The following MUC6 variants were observed in gnomAD, a reference collection of about 807,000 sequenced individuals.
The protein encoded by MUC6 is mucin 6, oligomeric mucus/gel-forming (gene/pseudogene), also known as mucin-6.
Under a neutral mutation model 201.5 loss-of-function variants are expected in MUC6, and 188 were observed. The ratio of observed to expected loss-of-function variants is 0.93; its 90% CI spans 0.83 to 1.05. The LOEUF is 1.05. Among genes scored for constraint, MUC6 ranks in the 50% least tolerant of loss-of-function variants. The pLI, the probability that MUC6 is intolerant of heterozygous loss-of-function variation, is 0.00. For missense variants in MUC6, 2,706 were observed against 3,256.9 expected (o/e 0.83, Z 4.12); for synonymous variants, 1,228 against 1,389.4 (o/e 0.88, Z 2.58).
rs375776599 is a variant in MUC6, at chr11:1,031,071, G to A, written c.575-15C>T. On this transcript the variant is annotated splice_polypyrimidine_tract_variant and intron_variant, in intron 5 of 32. Transcript: ENST00000421673. Reference sequence around the variant, plus strand: ...CAGGAACTTGCCTGGGGTGCAGAATGGGGGTCAGCACCGTGGGGGCTGGGC... The same window carrying A: ...CAGGAACTTGCCTGGGGTGCAGAATAGGGGTCAGCACCGTGGGGGCTGGGC... 8.6e-5 allele frequency: 133 copies of A among 1,553,392 alleles called. No individual in the cohort carries two copies. Among genetic ancestry groups the A allele is most frequent in the Non-Finnish European group, 1.0e-4 (116 of 1,149,676 alleles).
intron 25 of MUC6, 38 bp from the exon 26 acceptor site, chr11:1,023,690 GC>G (rs1332707013): frequency 6.2e-7 from 1 of 1,604,392 alleles, no homozygotes; most frequent in Admixed American, 1.7e-5. Flanking sequence ...GGGGTTCCTG[GC>G]CCTGGCCCTG....
intron 11 of MUC6, 25 bp downstream of exon 11, chr11:1,029,020 AG>A: frequency 6.2e-7 from 1 of 1,612,814 alleles, no homozygotes; most frequent in Non-Finnish European, 8.5e-7. Flanking sequence ...CCCTGCTGGC[AG>A]GGATGGGCGC....
intron 22 of MUC6, 115 bp from the exon 23 acceptor site, chr11:1,025,482 A>G (rs899362964): frequency 1.1e-5 from 14 of 1,272,462 alleles, no homozygotes; most frequent in African/African-American, 1.5e-5. Flanking sequence ...GGCCATGCAC[A>G]GGAGCGCCTG....
intron 7 of MUC6, 29 bp from the exon 8 acceptor site, chr11:1,030,364 G>T: frequency 1.3e-6 from 2 of 1,540,260 alleles, no homozygotes; most frequent in Non-Finnish European, 1.7e-6. Flanking sequence ...CCGGTGAGAG[G>T]GTCCCACCCC....
intron 28 of MUC6, among the ~76,000 whole-genome samples, 181 bp from the exon 29 acceptor site, chr11:1,020,438 C>T (rs1311927630): frequency 1.3e-5 from 2 of 152,142 alleles, no homozygotes; most frequent in South Asian, 2.1e-4. Context: ...TCCTGCATGG[C>T]GGGGGTCACC....
rs545866239 is a variant in MUC6, at chr11:1,027,300, G to A, written c.2199C>T (p.Ala733=). The change falls in exon 17 of 33, where the codon GCC becomes GCT. Residue 733 remains alanine, a synonymous_variant. Coordinates refer to ENST00000421673, the MANE Select transcript of MUC6 (RefSeq NM_005961.3). ...CILEGYKFIL[A]EQSTVINGIT... The stretch of plus-strand genomic sequence containing the variant: ...TGCCGTTGATGACAGTGGACTGCTC[G>A]GCCAGGATGAACTTGTAACCCTCCA... The A allele has an allele frequency of 2.9e-5, 47 of 1,612,746 alleles. No homozygotes were observed. Among genetic ancestry groups the A allele is most frequent in the South Asian group, 2.5e-4 (23 of 91,078 alleles).
intron 2 of MUC6, 71 bp downstream of exon 2, chr11:1,032,942 C>T (rs988864770): frequency 2.5e-5 from 35 of 1,422,462 alleles, no homozygotes; most frequent in Middle Eastern, 1.9e-4. Context: ...ACCTGGGCTC[C>T]GGGCCCCTCT....
intron 24 of MUC6, among the ~76,000 whole-genome samples, chr11:1,024,313 C>T (rs1856898249): frequency 6.6e-6 from 1 of 152,210 alleles, no homozygotes. Context: ...CGAGCTCACG[C>T]CTTGAGACCC....
At position 1,029,516 on chromosome 11, in the gene MUC6, G is replaced by T. The variant is rs751413853; in HGVS notation, c.1115C>A (p.Thr372Lys). 1.9e-6 allele frequency: 3 copies of T among 1,612,440 alleles called. No homozygotes were observed. Among genetic ancestry groups the T allele is most frequent in the Admixed American group, 3.3e-5 (2 of 59,972 alleles). Reference protein sequence around the residue: ...HGAMYAPGEVTIAACQTCRCT... With the variant: ...HGAMYAPGEVKIAACQTCRCT... Reference sequence around the variant, plus strand: ...TCACCAGGTTTGGCAGGCAGCTATTGTGACCTCCCCGGGGGCATACATGGC... The same window carrying T: ...TCACCAGGTTTGGCAGGCAGCTATTTTGACCTCCCCGGGGGCATACATGGC... The change falls in exon 9 of 33, where the codon ACA becomes AAA. Residue 372 changes from threonine to lysine, a missense_variant. Thr to Lys is a moderately conservative substitution (Grantham distance 78). Transcript: ENST00000421673.
chr11:1,021,214 C>G lies in MUC6; in HGVS notation c.3589+1G>C, dbSNP rs926663760. The stretch of plus-strand genomic sequence containing the variant: ...TTCTCAGGGCAGCCGACTGGACTTA[C>G]TGCAGGGCACGCACACCCCCTCCTC... On this transcript the variant is annotated splice_donor_variant, in intron 27 of 32. Coordinates refer to ENST00000421673, the MANE Select transcript of MUC6 (RefSeq NM_005961.3). LOFTEE classifies it high-confidence loss of function. 1 of 1,585,584 alleles carries G rather than the reference C, an allele frequency of 6.3e-7. No individual in the cohort carries two copies. The highest frequency in any genetic ancestry group is 8.6e-7 in the Non-Finnish European group (1 of 1,168,084).
chr11:1,027,867 G>T, intron 15 of MUC6, 50 bp from the exon 16 acceptor site: 6 of 1,593,114 alleles, frequency 3.8e-6, no homozygotes, highest in Non-Finnish European at 5.1e-6. Context: ...CTGCCCTGGG[G>T]ACATGGGGGT....
chr11:1,020,125 G>A lies in MUC6; in HGVS notation c.3773C>T (p.Thr1258Met), dbSNP rs1322822213. The change falls in exon 29 of 33, where the codon ACG becomes ATG. Residue 1258 changes from threonine to methionine, a missense_variant. By Grantham distance (81) the Thr-to-Met change is moderately conservative (BLOSUM62 -1). Transcript: ENST00000421673. Reference protein sequence around the residue: ...SPTQTPLLPATLTSSKPTASS... With the variant: ...SPTQTPLLPAMLTSSKPTASS... ...GGCTGTGGGCTTGGAGGATGTGAGC[G>A]TGGCTGGAAGGAGGGGTGTCTGGGT... is the stretch of plus-strand genomic sequence containing the variant. The A allele has an allele frequency of 3.1e-6, 5 of 1,613,370 alleles. No homozygotes were observed. Among genetic ancestry groups the A allele is most frequent in the South Asian group, 2.2e-5 (2 of 91,050 alleles).
chr11:1,013,838 C>G, intron 32 of MUC6, 61 bp downstream of exon 32: 1 of 1,531,008 alleles, frequency 6.5e-7, no homozygotes, highest in Non-Finnish European at 8.8e-7. Context: ...CCGAACCTCT[C>G]TGGGGTGGGG....
rs376314586 is a variant in MUC6 at position 1,028,007 on chromosome 11, G to C, written c.1806C>G (p.Phe602Leu). The C allele has an allele frequency of 1.0e-5, 16 of 1,587,102 alleles. No individual in the cohort carries two copies. Among genetic ancestry groups the C allele is most frequent in the Non-Finnish European group, 1.2e-5 (14 of 1,167,268 alleles). The change falls in exon 15 of 33, where the codon TTC (phenylalanine) becomes TTG (leucine). Residue 602 changes from phenylalanine to leucine, a missense_variant. Phe to Leu is a conservative substitution (Grantham distance 22, BLOSUM62 0). Coordinates refer to ENST00000421673, the MANE Select transcript of MUC6 (RefSeq NM_005961.3). ...GGTTCACTGTGGCGTGGCACCTCTC[G>C]AACACCGTGCCTGTCCTCAGCAGCA... ...CSMLLRTGTVFERCHATVNPA... is the reference protein window; with the variant it reads ...CSMLLRTGTVLERCHATVNPA...
chr11:1,027,515 T>C lies in MUC6; in HGVS notation c.1984A>G (p.Ile662Val), dbSNP rs1475282738. 6.2e-7 allele frequency: 1 copy of C among 1,611,920 alleles called. No individual in the cohort carries two copies. Among genetic ancestry groups the C allele is most frequent in the Admixed American group, 1.7e-5 (1 of 59,976 alleles). Residue 662 changes from isoleucine to valine, a missense_variant and splice_region_variant, in exon 17 of 33, where the codon ATC becomes GTC. Ile to Val is a conservative substitution (Grantham distance 29). Around this residue, in one of 10 missense-constraint regions of MUC6, gnomAD observed 1,850 missense variants for 1,958.3 expected, o/e 0.94. Coordinates refer to ENST00000421673, the MANE Select transcript of MUC6 (RefSeq NM_005961.3). ...AAGGTGGTGTTACCCGTGCAGGGGATGGCTGTGGGGGACCCGGGCATCAGA... is the reference window on the plus strand; with the variant it reads ...AAGGTGGTGTTACCCGTGCAGGGGACGGCTGTGGGGGACCCGGGCATCAGA... Reference protein sequence around the residue: ...GWRSSVDNCTIPCTGNTTFSY... With the variant: ...GWRSSVDNCTVPCTGNTTFSY...
At chr11:1,024,188 G>A in intron 24 of MUC6, 85 bp from the exon 25 acceptor site, 1 of 1,482,028 alleles carries the variant, frequency 6.7e-7, no homozygotes, top group Non-Finnish European at 9.1e-7. Flanking sequence ...CCTCAGTGTG[G>A]TCAGGCCGGA....
chr11:1,031,978 G>A lies in MUC6; in HGVS notation c.191C>T (p.Ser64Leu), dbSNP rs199709162. The part of the protein sequence containing the change: ...STFDHHVYDF[S>L]GTCNYIFAAT... ...CGCGAAGATGTAGTTGCACGTCCCCGAGAAGTCGTACACGTGGTGGTCGAA... is the reference window on the plus strand; with the variant it reads ...CGCGAAGATGTAGTTGCACGTCCCCAAGAAGTCGTACACGTGGTGGTCGAA... The change falls in exon 3 of 33, where the codon TCG (serine) becomes TTG (leucine). Residue 64 changes from serine to leucine, a missense_variant. Ser to Leu is a moderately radical substitution (Grantham distance 145, BLOSUM62 -2). Coordinates refer to ENST00000421673, the MANE Select transcript of MUC6 (RefSeq NM_005961.3). The A allele has an allele frequency of 9.6e-4, 1,545 of 1,613,652 alleles. 21 individuals are homozygous for A. The highest frequency in any genetic ancestry group is 1.8e-4 in the East Asian group (8 of 44,882).
intron 21 of MUC6, 32 bp from the exon 22 acceptor site, chr11:1,025,947 G>A (rs541395246): frequency 2.5e-6 from 4 of 1,596,502 alleles, no homozygotes; most frequent in East Asian, 2.3e-5. Flanking sequence ...GAGGAGCCCT[G>A]GAGGCCGTGC....
chr11:1,023,847 C>CCA lies in MUC6; in HGVS notation c.3382+98_3382+99dup, dbSNP rs1221339859. 38 of 1,495,804 alleles carry CCA rather than the reference C, an allele frequency of 2.5e-5. No individual in the cohort carries two copies. In the East Asian group the frequency reaches 7.8e-4, roughly 31 times the overall value. 92.7% of individuals were successfully genotyped at this position (1,495,804 alleles called of 1,614,324 possible). ...CCGCAGGGCACAGCCCGGCGCCTGT[C>CCA]CAGGGAGAGGGGCCTGTGGGCAAGG... is the stretch of plus-strand genomic sequence containing the variant. On this transcript the variant is annotated intron_variant, in intron 25 of 32. Coordinates refer to ENST00000421673, the MANE Select transcript of MUC6 (RefSeq NM_005961.3).
Sources: allele counts gnomAD v4.1 joint callset (sites outside exome capture counted in the v4.1 genomes callset), GRCh38; gene constraint gnomAD v4.1.1; regional missense constraint gnomAD v4.1.1; transcripts MANE v1.5; gene names NCBI Gene and HGNC (gene_info 2026-07-23, HGNC 2026-07-21).